The following ANO6 variants were observed in gnomAD, a reference collection of about 807,000 sequenced individuals.
ANO6 encodes the protein anoctamin-6.
A neutral mutation model predicts 117.5 loss-of-function variants in ANO6; 106 were observed. The observed-to-expected ratio is 0.90, with a 90% confidence interval of 0.77 to 1.06. ANO6 has a LOEUF of 1.06. Ranked by LOEUF, ANO6 falls within the 50% of genes least tolerant of loss-of-function variation. ANO6 has a pLI of 0.00. For synonymous variants in ANO6, 367 were observed against 385.1 expected (o/e 0.95, Z 0.55); for missense variants, 955 against 1,121.1 (o/e 0.85, Z 2.12).
chr12:45,385,502 A>G (rs1942273914), intron 10 of ANO6, among the ~76,000 whole-genome samples: 1 of 152,116 alleles, frequency 6.6e-6, no homozygotes, highest in Non-Finnish European at 1.5e-5. Context: ...GGTGTATGTT[A>G]TGCTGCTTCA....
intron 8 of ANO6, among the ~76,000 whole-genome samples, chr12:45,361,068 G>T (rs1355165302): frequency 6.6e-6 from 1 of 152,068 alleles, no homozygotes; most frequent in East Asian, 1.9e-4. Flanking sequence ...TGAATTTTAG[G>T]ATCAGCTTAT....
At position 45,406,763 on chromosome 12, in the gene ANO6, T is replaced by C. The variant is rs78291431; in HGVS notation, c.1881-2594T>C. On this transcript the variant is annotated intron_variant, in intron 15 of 19. Transcript: ENST00000320560. ...TGACACATAAAATAGATTCAGATAG[T>C]GAAGGATGCTTGTATTTCAAAATTA... Among the ~76,000 whole-genome samples the C allele has an allele frequency of 5.5e-4, 84 of 152,238 alleles. No individual in the cohort carries two copies. In the East Asian group the frequency reaches 0.014, roughly 26 times the overall value.
At chr12:45,415,202 C>T (rs952085706) in intron 16 of ANO6, among the ~76,000 whole-genome samples, 1 of 149,670 alleles carries the variant, frequency 6.7e-6, no homozygotes, top group Non-Finnish European at 1.5e-5. Flanking sequence ...TCCTACCACT[C>T]ATTCATTCAT....
intron 2 of ANO6, among the ~76,000 whole-genome samples, chr12:45,303,376 A>G (rs766549517): frequency 1.6e-4 from 24 of 152,166 alleles, no homozygotes; most frequent in Non-Finnish European, 3.2e-4. Flanking sequence ...CAGATATTTC[A>G]CATTTGAGTA....
chr12:45,217,650 C>T (rs1164344168), intron 1 of ANO6, among the ~76,000 whole-genome samples: 1 of 152,134 alleles, frequency 6.6e-6, no homozygotes, highest in Non-Finnish European at 1.5e-5. Flanking sequence ...TTGGTCTGCC[C>T]AGCTTCTCAC....
chr12:45,264,870 A>G (rs1309289300), intron 1 of ANO6, among the ~76,000 whole-genome samples: 1 of 152,220 alleles, frequency 6.6e-6, no homozygotes, highest in African/African-American at 2.4e-5. Flanking sequence ...TACAAAGCCA[A>G]CACACCAAAT....
At chr12:45,367,506 G>A (rs541722433) in intron 8 of ANO6, among the ~76,000 whole-genome samples, 182 bp from the exon 9 acceptor site, 10 of 152,192 alleles carry the variant, frequency 6.6e-5, no homozygotes, top group East Asian at 1.9e-4. Context: ...TACTTTCAGC[G>A]TTTTACCATT....
At chr12:45,247,885 T>C (rs1302333108) in intron 1 of ANO6, among the ~76,000 whole-genome samples, 1 of 152,180 alleles carries the variant, frequency 6.6e-6, no homozygotes, top group African/African-American at 2.4e-5. Flanking sequence ...AACATATACA[T>C]TTGGAAGGAC....
intron 1 of ANO6, among the ~76,000 whole-genome samples, chr12:45,285,993 G>C (rs1938902574): frequency 6.6e-6 from 1 of 152,194 alleles, no homozygotes; most frequent in Non-Finnish European, 1.5e-5. Context: ...CCCTTCAGCA[G>C]TAAGAGAATG....
chr12:45,297,146 G>T (rs1305786394), intron 1 of ANO6, among the ~76,000 whole-genome samples: 1 of 152,150 alleles, frequency 6.6e-6, no homozygotes, highest in Admixed American at 6.5e-5. Context: ...AGTGCCCTTT[G>T]TGCCAGGCCT....
chr12:45,347,256 T>A (rs1565708143), intron 4 of ANO6, 169 bp downstream of exon 4: 15 of 629,306 alleles, frequency 2.4e-5, no homozygotes, highest in Non-Finnish European at 3.1e-5. Flanking sequence ...TATTCTTTTT[T>A]TCTGATCAAA....
At chr12:45,231,472 A>G (rs1045923569) in intron 1 of ANO6, among the ~76,000 whole-genome samples, 1 of 152,242 alleles carries the variant, frequency 6.6e-6, no homozygotes, top group Non-Finnish European at 1.5e-5. Context: ...TCATTTGGGT[A>G]GGTGAGAGCA....
At chr12:45,298,153 G>A (rs892010239) in intron 1 of ANO6, among the ~76,000 whole-genome samples, 5 of 152,132 alleles carry the variant, frequency 3.3e-5, no homozygotes, top group African/African-American at 9.7e-5. Context: ...CTAGTCAGCC[G>A]TTTGATGAAC....
intron 1 of ANO6, among the ~76,000 whole-genome samples, chr12:45,244,451 G>A (rs1317593019): frequency 6.6e-6 from 1 of 151,786 alleles, no homozygotes; most frequent in Non-Finnish European, 1.5e-5. Flanking sequence ...CCTGGAGGAG[G>A]AGTATTGTTG....
chr12:45,429,140 T>C lies in ANO6; in HGVS notation c.2562T>C (p.Tyr854=), dbSNP rs1323987570. The C allele has an allele frequency of 1.2e-6, 2 of 1,613,836 alleles. No individual in the cohort carries two copies. Among genetic ancestry groups the C allele is most frequent in the Non-Finnish European group, 1.7e-6 (2 of 1,179,898 alleles). ...ACTCTGTGAAATTTTTCATTTCATA[T>C]GCAATTCCCGATGTATCAAAACGCA... ...VIYSVKFFIS[Y]AIPDVSKRTK... is the part of the protein sequence containing the mutation. The change falls in exon 20 of 20, where the codon TAT becomes TAC. Residue 854 remains tyrosine (Y), a synonymous_variant. Coordinates refer to ENST00000320560, the MANE Select transcript of ANO6 (RefSeq NM_001025356.3).
intron 1 of ANO6, among the ~76,000 whole-genome samples, chr12:45,219,123 G>A (rs776774497): frequency 1.3e-5 from 2 of 151,990 alleles, no homozygotes; most frequent in Non-Finnish European, 2.9e-5. Flanking sequence ...ATTTTGACAC[G>A]AGTTCCTGGG....
chr12:45,320,794 G>T (rs976245966), intron 2 of ANO6, among the ~76,000 whole-genome samples: 80 of 152,248 alleles, frequency 5.3e-4, no homozygotes, highest in Non-Finnish European at 9.9e-4. Flanking sequence ...TTATGAATCT[G>T]GGTGCTCCTG....
At chr12:45,437,627 C>T (rs926377809) in intron 19 of ANO6, among the ~76,000 whole-genome samples, 19 of 152,076 alleles carry the variant, frequency 1.2e-4, no homozygotes, top group South Asian at 4.2e-4. Flanking sequence ...TGGAGAGCAG[C>T]GGCGCAATCT....
At chr12:45,249,492 A>G (rs76235643) in intron 1 of ANO6, among the ~76,000 whole-genome samples, 2,209 of 152,332 alleles carry the variant, frequency 0.015, 45 homozygotes, top group East Asian at 0.068. Context: ...TTCTGATTCT[A>G]GAAGGTGCTG....
Sources: allele counts gnomAD v4.1 joint callset (sites outside exome capture counted in the v4.1 genomes callset), GRCh38; gene constraint gnomAD v4.1.1; transcripts MANE v1.5; gene names NCBI Gene and HGNC (gene_info 2026-07-23, HGNC 2026-07-21).